SORBS2: variants seen among roughly 807,000 people sequenced by gnomAD.
SORBS2 encodes the protein sorbin and SH3 domain containing 2, also known as sorbin and SH3 domain-containing protein 2.
In SORBS2, 46 loss-of-function variants were observed where a neutral mutation model predicts 97.7. The observed-to-expected ratio is 0.47, with a 90% CI of 0.37 to 0.60. The LOEUF (loss-of-function observed/expected upper bound fraction) is 0.60, where lower values mean the gene tolerates loss of function less well. SORBS2 is among the 20% of genes least tolerant of loss of function. The probability of loss-of-function intolerance (pLI) is 0.00; values close to 1 mark genes in which losing one functional copy is unlikely to be tolerated. For synonymous variants in SORBS2, 476 were observed against 473.4 expected, an observed-to-expected ratio of 1.01 and a Z score of -0.07; for missense variants, 1,316 against 1,282.3, an observed-to-expected ratio of 1.03 and a Z score of -0.40.
At position 185,686,161 on chromosome 4, in the gene SORBS2, CATT is replaced by C. The variant is rs1252823463; in HGVS notation, c.-197-7342_-197-7340del. Among the ~76,000 whole-genome samples the C allele has an allele frequency of 1.4e-4, 22 of 152,014 alleles. No homozygotes were observed. The South Asian group carries it at 2.9e-3, about 20-fold the overall frequency. ...ATAACCACCGATATAATAATATAAT[CATT>C]ATATATTGTCACATTTCCATTTTTC... is the stretch of plus-strand genomic sequence containing the variant. On this transcript the variant is annotated intron_variant, in intron 2 of 20. Coordinates refer to the SORBS2 transcript ENST00000284776.
chr4:185,947,163 TTA>T (rs2099274926), intron 1 of SORBS2, among the ~76,000 whole-genome samples: 1 of 152,204 alleles, frequency 6.6e-6, no homozygotes, highest in Non-Finnish European at 1.5e-5. Context: ...TCCCTACCCC[TTA>T]TCCAGGAAAA....
At chr4:185,936,485 G>A (rs1391150928) in intron 1 of SORBS2, among the ~76,000 whole-genome samples, 1 of 152,190 alleles carries the variant, frequency 6.6e-6, no homozygotes, top group East Asian at 1.9e-4. Context: ...GGAGAAGGAG[G>A]TGGTGGGAAG....
intron 4 of SORBS2, among the ~76,000 whole-genome samples, chr4:185,633,631 T>G (rs1406853420): frequency 6.6e-6 from 1 of 152,084 alleles, no homozygotes; most frequent in Non-Finnish European, 1.5e-5. Context: ...TAATTTGTTT[T>G]TAAAAGATTT....
intron 1 of SORBS2, among the ~76,000 whole-genome samples, chr4:185,946,585 A>C (rs567646186): frequency 2.0e-5 from 3 of 152,348 alleles, no homozygotes; most frequent in African/African-American, 7.2e-5. Flanking sequence ...TAATCAAAAC[A>C]TCAGCAAAGG....
At chr4:185,650,360 G>A (rs1480683653) in intron 2 of SORBS2, among the ~76,000 whole-genome samples, 1 of 152,144 alleles carries the variant, frequency 6.6e-6, no homozygotes, top group Non-Finnish European at 1.5e-5. Context: ...AATGAGTTTC[G>A]GTGAGCAGGG....
At position 185,868,115 on chromosome 4, in the gene SORBS2, A is replaced by G. The variant is rs144245811; in HGVS notation, c.-338+88081T>C. ...AGGGGTAGAGTAACAAATAGAAATT[A>G]AAAGCTTCTACTTTCCTTTCTCTTT... On this transcript the variant is annotated intron_variant, in intron 1 of 20. Transcript: ENST00000284776. Among the ~76,000 whole-genome samples the G allele has an allele frequency of 2.0e-3, 305 of 150,934 alleles. 2 individuals are homozygous for G. The highest frequency in any genetic ancestry group is 7.1e-3 in the African/African-American group (293 of 41,110).
intron 1 of SORBS2, among the ~76,000 whole-genome samples, chr4:185,869,852 C>A (rs921339045): frequency 5.3e-5 from 8 of 152,146 alleles, no homozygotes; most frequent in African/African-American, 1.9e-4. Flanking sequence ...AAGGAAAATT[C>A]TTTTTCTAAT....
At chr4:185,794,341 T>C (rs769073864) in intron 1 of SORBS2, among the ~76,000 whole-genome samples, 2 of 152,180 alleles carry the variant, frequency 1.3e-5, no homozygotes, top group Non-Finnish European at 2.9e-5. Flanking sequence ...CATGGGCGCT[T>C]GGTGCTATTC....
chr4:185,593,583 G>A (rs1217370854), intron 13 of SORBS2: 3 of 329,944 alleles, frequency 9.1e-6, no homozygotes, highest in Non-Finnish European at 1.1e-5. Context: ...GCAGTTACTC[G>A]TTACACAGCC....
intron 13 of SORBS2, chr4:185,593,073 G>A: frequency 6.6e-6 from 1 of 152,486 alleles, no homozygotes; most frequent in Non-Finnish European, 1.5e-5. Context: ...AGCCTGTTCT[G>A]CTCCAGGTGA....
At chr4:185,635,400 CT>C (rs752518567) in intron 4 of SORBS2, 29 of 1,613,634 alleles carry the variant, frequency 1.8e-5, no homozygotes, top group Non-Finnish European at 2.5e-5. Flanking sequence ...AGTCCAGAGG[CT>C]TTTTAGGAGG....
chr4:185,793,559 TTTTA>T (rs1208070126), intron 1 of SORBS2, among the ~76,000 whole-genome samples: 16 of 152,154 alleles, frequency 1.1e-4, no homozygotes, highest in Admixed American at 5.2e-4. Flanking sequence ...TTAAGAAGAT[TTTTA>T]TTTATTTATC....
At chr4:185,665,687 G>T in intron 4 of SORBS2, 1 of 890,294 alleles carries the variant, frequency 1.1e-6, no homozygotes, top group Non-Finnish European at 1.3e-6. Flanking sequence ...CAACAAATCA[G>T]TCCTTTCAAG....
chr4:185,740,114 A>G (rs550890315), intron 2 of SORBS2: 59 of 152,744 alleles, frequency 3.9e-4, no homozygotes, highest in African/African-American at 1.4e-3. Context: ...AATACCCTTC[A>G]TTTGCTGCAA....
At chr4:185,830,413 A>G (rs2099204503) in intron 1 of SORBS2, among the ~76,000 whole-genome samples, 1 of 152,180 alleles carries the variant, frequency 6.6e-6, no homozygotes, top group African/African-American at 2.4e-5. Flanking sequence ...TCTTTGAATC[A>G]CCCACTATCT....
At chr4:185,918,227 G>GA (rs1368285881) in intron 1 of SORBS2, 1 of 152,162 alleles carries the variant, frequency 6.6e-6, no homozygotes, top group Non-Finnish European at 1.5e-5. Context: ...GTTGTTTGCA[G>GA]AAATTAAATT....
intron 1 of SORBS2, among the ~76,000 whole-genome samples, chr4:185,931,768 A>G (rs1237241393): frequency 6.6e-6 from 1 of 150,750 alleles, no homozygotes; most frequent in African/African-American, 2.4e-5. Context: ...ACAAAAAATA[A>G]AGAAAAGAAA....
chr4:185,877,731 G>T (rs920563208), intron 1 of SORBS2, among the ~76,000 whole-genome samples: 1 of 151,750 alleles, frequency 6.6e-6, no homozygotes, highest in Non-Finnish European at 1.5e-5. Flanking sequence ...ATTAACCAGC[G>T]TGGTGGTGGA....
chr4:185,720,179 C>T (rs1018433923), intron 2 of SORBS2, among the ~76,000 whole-genome samples: 5 of 152,156 alleles, frequency 3.3e-5, no homozygotes, highest in Admixed American at 1.3e-4. Flanking sequence ...GTGAAGCCTC[C>T]GTACTAGCCT....
Sources: gnomAD v4.1 joint callset for allele counts (sites outside exome capture counted in the v4.1 genomes callset) on GRCh38, gnomAD v4.1.1 for gene constraint, MANE v1.5 for transcripts, NCBI Gene and HGNC (gene_info 2026-07-23, HGNC 2026-07-21) for gene names.